The following PSD4 variants were observed in gnomAD, a reference collection of about 807,000 sequenced individuals.
PSD4 encodes PH and SEC7 domain-containing protein 4.
PSD4 carries 59 observed loss-of-function variants against 112.5 expected under a neutral mutation model. That is an observed-to-expected ratio of 0.52 (90% CI 0.43 to 0.65). The LOEUF is 0.65. PSD4 is among the 30% of genes least tolerant of loss of function. The pLI is 0.00. For synonymous variants in PSD4, 533 were observed against 540.0 expected, an observed-to-expected ratio of 0.99 and a Z score of 0.18; for missense variants, 1,267 against 1,352.6, an observed-to-expected ratio of 0.94 and a Z score of 0.99.
At chr2:113,179,813 C>G (rs1688080675) in intron 1 of PSD4, among the ~76,000 whole-genome samples, 1 of 152,154 alleles carries the variant, frequency 6.6e-6, no homozygotes, top group Non-Finnish European at 1.5e-5. Context: ...GGAAAGTCAG[C>G]CTGTTGGGGA....
chr2:113,195,830 C>T (rs1688592053), intron 11 of PSD4, 60 bp downstream of exon 11: 7 of 1,599,586 alleles, frequency 4.4e-6, no homozygotes, highest in East Asian at 4.5e-5. Flanking sequence ...TTGGACTGTC[C>T]TCCCTCTGTC....
chr2:113,182,782 C>G lies in PSD4; in HGVS notation c.326C>G (p.Ser109Cys), dbSNP rs1185836030. 2 of 1,596,712 alleles carry G rather than the reference C, an allele frequency of 1.3e-6. No homozygotes were observed. The highest frequency in any genetic ancestry group is 1.7e-5 in the Admixed American group (1 of 58,804). The change falls in exon 2 of 17, where the codon TCC (serine) becomes TGC (cysteine). Residue 109 changes from serine to cysteine, a missense_variant. Transcript: ENST00000245796. ...AGACAAGATGCTCCTCCCTGGGGCT[C>G]CGGTGTGGAGCTCACACACCTGGGG... Reference protein sequence around the residue: ...STRQDAPPWGSGVELTHLGSP... With the variant: ...STRQDAPPWGCGVELTHLGSP...
chr2:113,187,208 A>G (rs1688324186), intron 5 of PSD4, among the ~76,000 whole-genome samples: 1 of 152,180 alleles, frequency 6.6e-6, no homozygotes, highest in Non-Finnish European at 1.5e-5. Flanking sequence ...CCTCAGGTAA[A>G]GCACAGCCAT....
Position 113,182,909 on chromosome 2 carries a change from C to T in PSD4, c.453C>T (p.Ser151=), listed in dbSNP as rs1351940868. The change falls in exon 2 of 17, where the codon TCC becomes TCT. Residue 151 remains serine, a synonymous_variant. Transcript: ENST00000245796. ...GCCCAAAGCAGAACCGGAGCACGTC[C>T]ACACAGGTAGTGTTCTGGGCAGGCA... ...PGSPKQNRST[S]TQVVFWAGIL... is the part of the protein sequence containing the mutation. 7 of 1,614,236 alleles carry T rather than the reference C, an allele frequency of 4.3e-6. No individual in the cohort carries two copies. The highest frequency in any genetic ancestry group is 5.1e-6 in the Non-Finnish European group (6 of 1,180,046).
rs1193057198 is a variant in PSD4 at position 113,182,925 on chromosome 2, T to G, written c.469T>G (p.Trp157Gly). Residue 157 changes from tryptophan to glycine, a missense_variant, in exon 2 of 17, where the codon TGG becomes GGG. Transcript: ENST00000245796. The part of the protein sequence containing the change: ...NRSTSTQVVF[W>G]AGILQAQMCV... ...GAGCACGTCCACACAGGTAGTGTTCTGGGCAGGCATCCTGCAGGCCCAGAT... is the reference window on the plus strand; with the variant it reads ...GAGCACGTCCACACAGGTAGTGTTCGGGGCAGGCATCCTGCAGGCCCAGAT... The G allele has an allele frequency of 6.2e-7, 1 of 1,614,108 alleles. No homozygotes were observed. Among genetic ancestry groups the G allele is most frequent in the Admixed American group, 1.7e-5 (1 of 60,012 alleles).
In PSD4 at chr2:113,183,526, T is replaced by C. The variant is rs761705606; in HGVS notation, c.1056+14T>C. On this transcript the variant is annotated intron_variant, in intron 2 of 16. Transcript: ENST00000245796. ...GGGGAGAGTGAGGTAAGCCCAGTCT[T>C]GGGAACCAACCGGGGCTGTGCTGGG... 96 of 1,541,326 alleles carry C rather than the reference T, an allele frequency of 6.2e-5. No homozygotes were observed. Among genetic ancestry groups the C allele is most frequent in the Non-Finnish European group, 7.3e-5 (84 of 1,145,562 alleles).
rs1477733099 is a variant in PSD4, at chr2:113,199,175, T to TGGCCGC, written c.2864_2869dup (p.Gly955_Arg956dup). On this transcript the variant is annotated inframe_insertion, in exon 16 of 17. Transcript: ENST00000245796. ...GGAACCTGCCGGAGCGGCGGGGCCG[T>TGGCCGC]GGCCGCGAGCTGGAGGAGCACCGCC... 3 of 1,524,638 alleles carry TGGCCGC rather than the reference T, an allele frequency of 2.0e-6. No homozygotes were observed. Among genetic ancestry groups the TGGCCGC allele is most frequent in the East Asian group, 5.3e-5 (2 of 37,962 alleles). The allele number at this position is 1,524,638 out of a possible 1,614,324, so 94.4% of individuals were successfully genotyped here. A position where few individuals can be genotyped will look rare whatever the true frequency, so the allele number is the denominator to read the frequency against.
rs750433339 is a variant in PSD4 at position 113,201,375 on chromosome 2, A to C, written c.3131A>C (p.Tyr1044Ser). 2.5e-6 allele frequency: 4 copies of C among 1,614,168 alleles called. No homozygotes were observed. The highest frequency in any genetic ancestry group is 3.3e-5 in the Admixed American group (2 of 60,020). ...VKRNISERRT[Y>S]RKIIPKRNRN... is the part of the protein sequence containing the mutation. ...CGCAACATCTCAGAGCGCAGAACCTACCGGAAGATCATCCCTAAGCGGAAC... is the reference window on the plus strand; with the variant it reads ...CGCAACATCTCAGAGCGCAGAACCTCCCGGAAGATCATCCCTAAGCGGAAC... Residue 1044 changes from tyrosine (Y) to serine (S), a missense_variant, in exon 17 of 17, where the codon TAC (tyrosine) becomes TCC (serine). Transcript: ENST00000245796.
rs202246031 is a variant in PSD4 at position 113,186,268 on chromosome 2, C to G, written c.1628+13C>G. The stretch of plus-strand genomic sequence containing the variant: ...CTTCTGCAGAACAGTAAGTCTCAGA[C>G]TAACTGGCTCTCATGCTCCTAATTA... On this transcript the variant is annotated intron_variant, in intron 5 of 16. Transcript: ENST00000245796. 5 of 1,551,640 alleles carry G rather than the reference C, an allele frequency of 3.2e-6. No individual in the cohort carries two copies. The African/African-American group carries it at 6.8e-5, about 21-fold the overall frequency.
Position 113,201,587 on chromosome 2 carries a change from T to C in PSD4, c.*172T>C. ...CCCTCATTCTTGTGCTCCCTGAAGC[T>C]TTCCTAATATTGCTGTGCTCCCCAC... is the stretch of plus-strand genomic sequence containing the variant. On this transcript the variant is annotated 3_prime_UTR_variant, in exon 17 of 17. Coordinates refer to ENST00000245796, the MANE Select transcript of PSD4 (RefSeq NM_012455.3). 1.1e-6 allele frequency: 1 copy of C among 930,654 alleles called. No individual in the cohort carries two copies. The highest frequency in any genetic ancestry group is 2.8e-5 in the Admixed American group (1 of 36,358). The allele number at this position is 930,654 out of a possible 1,614,324, so 57.6% of individuals were successfully genotyped here.
chr2:113,198,903 G>C lies in PSD4; in HGVS notation c.2769+19G>C, dbSNP rs2104509319. 1.3e-6 allele frequency: 2 copies of C among 1,560,706 alleles called. No individual in the cohort carries two copies. The highest frequency in any genetic ancestry group is 4.7e-5 in the East Asian group (2 of 42,208). On this transcript the variant is annotated intron_variant, in intron 15 of 16. Transcript: ENST00000245796. ...CTCCCTGGTACGGCCTCCGGGAAGG[G>C]GTGGGGTCCGGCGGAACTGGGAATG... is the stretch of plus-strand genomic sequence containing the variant.
rs1325439066 is a variant in PSD4, at chr2:113,199,188, GAGGAGCA to G, written c.2876_2882del (p.Glu959AlafsTer54). 3.3e-6 allele frequency: 5 copies of G among 1,521,470 alleles called. No homozygotes were observed. The highest frequency in any genetic ancestry group is 3.5e-6 in the Non-Finnish European group (4 of 1,137,666). 94.2% of individuals were successfully genotyped at this position (1,521,470 alleles called of 1,614,324 possible). On this transcript the variant is annotated frameshift_variant, in exon 16 of 17. Coordinates refer to ENST00000245796, the MANE Select transcript of PSD4 (RefSeq NM_012455.3). LOFTEE classifies it high-confidence loss of function. ...GCGGCGGGGCCGTGGCCGCGAGCTG[GAGGAGCA>G]CCGCCTGCGGAAGGAGTACCTGGAG...
chr2:113,175,536 A>G (rs1017351747), intron 1 of PSD4, among the ~76,000 whole-genome samples: 2 of 152,186 alleles, frequency 1.3e-5, no homozygotes, highest in Admixed American at 1.3e-4. Flanking sequence ...CTGCAGCAAC[A>G]TCTGTAATTC....
Position 113,201,403 on chromosome 2 carries a change from C to A in PSD4, c.3159C>A (p.Arg1053=), listed in dbSNP as rs1388215007. 2.0e-5 allele frequency: 33 copies of A among 1,613,764 alleles called. No homozygotes were observed. Among genetic ancestry groups the A allele is most frequent in the South Asian group, 5.5e-5 (5 of 91,086 alleles). ...TYRKIIPKRN[R]NQL ...GGAAGATCATCCCTAAGCGGAACCG[C>A]AATCAGCTGTGAAGCCAGCACCACC... is the stretch of plus-strand genomic sequence containing the variant. The change falls in exon 17 of 17, where the codon CGC becomes CGA. Residue 1053 remains arginine (R), a synonymous_variant. Coordinates refer to ENST00000245796, the MANE Select transcript of PSD4 (RefSeq NM_012455.3).
At position 113,196,327 on chromosome 2, in the gene PSD4, A is replaced by C. The variant is rs1484498896; in HGVS notation, c.2386+20A>C. On this transcript the variant is annotated intron_variant, in intron 12 of 16. Transcript: ENST00000245796. ...AGAAGAGTGAGTGTCTGCTGCCCACAAACAGGGTGGCGTGCTGGGAGCAGC... is the reference window on the plus strand; with the variant it reads ...AGAAGAGTGAGTGTCTGCTGCCCACCAACAGGGTGGCGTGCTGGGAGCAGC... The C allele has an allele frequency of 1.9e-6, 3 of 1,604,638 alleles. No individual in the cohort carries two copies. Among genetic ancestry groups the C allele is most frequent in the Non-Finnish European group, 2.6e-6 (3 of 1,173,550 alleles).
At position 113,201,863 on chromosome 2, in the gene PSD4, A is replaced by G; in HGVS notation, c.*448A>G. 1.8e-5 allele frequency: 3 copies of G among 167,358 alleles called. No individual in the cohort carries two copies. The highest frequency in any genetic ancestry group is 2.6e-5 in the Non-Finnish European group (2 of 76,472). The allele number at this position is 167,358 out of a possible 1,614,324, so 10.4% of individuals were successfully genotyped here. On this transcript the variant is annotated 3_prime_UTR_variant, in exon 17 of 17. Transcript: ENST00000245796. Reference sequence around the variant, plus strand: ...GGCCCCTGGGCAGCCCAGCCAGGGGAGCCACAGCCCCAAGGATGGTCTTGC... The same window carrying G: ...GGCCCCTGGGCAGCCCAGCCAGGGGGGCCACAGCCCCAAGGATGGTCTTGC...
At position 113,198,875 on chromosome 2, in the gene PSD4, G is replaced by C; in HGVS notation, c.2760G>C (p.Gln920His). The C allele has an allele frequency of 6.3e-7, 1 of 1,589,258 alleles. No homozygotes were observed. The highest frequency in any genetic ancestry group is 8.5e-7 in the Non-Finnish European group (1 of 1,174,826). ...VRPILPVGPA[Q>H]SSLEEQHRSH... is the part of the protein sequence containing the mutation. ...CCATCCTGCCCGTGGGCCCCGCCCA[G>C]AGCTCCCTGGTACGGCCTCCGGGAA... Residue 920 changes from glutamine (Q) to histidine (H), a missense_variant, in exon 15 of 17, where the codon CAG (glutamine) becomes CAC (histidine). By Grantham distance (24) the Gln-to-His change is conservative (BLOSUM62 0). This residue lies in a region of PSD4 where 544 missense variants were observed against 648.6 expected (regional missense o/e 0.84). Coordinates refer to ENST00000245796, the MANE Select transcript of PSD4 (RefSeq NM_012455.3).
chr2:113,199,883 T>G (rs573563259), intron 16 of PSD4, among the ~76,000 whole-genome samples: 351 of 152,318 alleles, frequency 2.3e-3, no homozygotes, highest in South Asian at 7.2e-3. Context: ...TGGAGTGCAG[T>G]GGCTCGATCT....
intron 5 of PSD4, among the ~76,000 whole-genome samples, chr2:113,191,988 G>A (rs1688453755): frequency 6.6e-6 from 1 of 152,050 alleles, no homozygotes; most frequent in South Asian, 2.1e-4. Flanking sequence ...CCAGAGCTGG[G>A]AGGTGGGGAA....
Sources: gnomAD v4.1 joint callset for allele counts (sites outside exome capture counted in the v4.1 genomes callset) on GRCh38, gnomAD v4.1.1 for gene constraint, gnomAD v4.1.1 regional missense constraint, MANE v1.5 for transcripts, NCBI Gene and HGNC (gene_info 2026-07-23, HGNC 2026-07-21) for gene names.